FAXC: variants seen among roughly 807,000 people sequenced by gnomAD.
The protein encoded by FAXC is failed axon connections homolog, metaxin like GST domain containing, also known as failed axon connections homolog.
FAXC carries 10 observed loss-of-function variants against 41.9 expected under a neutral mutation model. That is an observed-to-expected ratio of 0.24 (90% CI 0.15 to 0.41). The LOEUF (loss-of-function observed/expected upper bound fraction) is 0.41, where lower values mean the gene tolerates loss of function less well. FAXC is among the 10% of genes least tolerant of loss of function. FAXC has a pLI of 1.00. For synonymous variants in FAXC, 183 were observed against 183.8 expected, an observed-to-expected ratio of 1.00 and a Z score of 0.03; for missense variants, 399 against 510.9, an observed-to-expected ratio of 0.78 and a Z score of 2.11.
intron 4 of FAXC, among the ~76,000 whole-genome samples, chr6:99,320,514 C>T (rs1223427759): frequency 2.0e-5 from 3 of 152,166 alleles, no homozygotes; most frequent in East Asian, 3.8e-4. Context: ...CTCTTTACCA[C>T]CTCCCACCAG....
At chr6:99,299,248 T>C (rs1038997550) in intron 4 of FAXC, among the ~76,000 whole-genome samples, 5 of 152,216 alleles carry the variant, frequency 3.3e-5, no homozygotes, top group Non-Finnish European at 7.3e-5. Context: ...TCTCATCTCC[T>C]TCCTCCCTAA....
intron 3 of FAXC, 25 bp downstream of exon 3, chr6:99,333,326 C>T (rs371493536): frequency 5.8e-5 from 91 of 1,560,016 alleles, no homozygotes; most frequent in African/African-American, 1.2e-4. Context: ...TTCGAAAGGA[C>T]GGGGACACCC....
chr6:99,318,801 G>T (rs980115137), intron 4 of FAXC, among the ~76,000 whole-genome samples: 2 of 152,140 alleles, frequency 1.3e-5, no homozygotes, highest in Non-Finnish European at 2.9e-5. Flanking sequence ...TGAAATCAAA[G>T]AGCTGGTAAG....
At position 99,273,666 on chromosome 6, in the gene FAXC, A is replaced by G. The variant is rs1770494164; in HGVS notation, c.*7498T>C. ...TAATTAAATACCTTGACCTAAAATC[A>G]TGCGTCCATGCCTGTTTTATATCTG... On this transcript the variant is annotated 3_prime_UTR_variant, in exon 6 of 6. Transcript: ENST00000389677. 1 of 151,956 alleles carries G rather than the reference A, an allele frequency of 6.6e-6. No individual in the cohort carries two copies. Among genetic ancestry groups the G allele is most frequent in the Admixed American group, 6.6e-5 (1 of 15,246 alleles). 9.4% of individuals were successfully genotyped at this position (151,956 alleles called of 1,614,324 possible). A position where few individuals can be genotyped will look rare whatever the true frequency, so the allele number is the denominator to read the frequency against.
intron 4 of FAXC, among the ~76,000 whole-genome samples, chr6:99,292,035 A>G (rs1233996452): frequency 6.6e-6 from 1 of 152,212 alleles, no homozygotes; most frequent in Non-Finnish European, 1.5e-5. Flanking sequence ...GAACAGCAAC[A>G]CAGGGAACAT....
chr6:99,322,125 C>A (rs1362818031), intron 4 of FAXC, among the ~76,000 whole-genome samples: 1 of 152,142 alleles, frequency 6.6e-6, no homozygotes, highest in Non-Finnish European at 1.5e-5. Context: ...CCCAGTGGAG[C>A]AAAACAACAG....
chr6:99,319,851 CAT>C (rs1263494102), intron 4 of FAXC, among the ~76,000 whole-genome samples: 1 of 152,182 alleles, frequency 6.6e-6, no homozygotes, highest in Non-Finnish European at 1.5e-5. Context: ...AACTTGTTTA[CAT>C]GTTAGCTTTG....
chr6:99,294,637 G>C (rs1771406851), intron 4 of FAXC, among the ~76,000 whole-genome samples: 1 of 152,162 alleles, frequency 6.6e-6, no homozygotes, highest in African/African-American at 2.4e-5. Context: ...GGGGGAGGGG[G>C]AGAAAGAAAA....
At chr6:99,338,796 C>G (rs1391873137) in intron 2 of FAXC, among the ~76,000 whole-genome samples, 2 of 152,168 alleles carry the variant, frequency 1.3e-5, no homozygotes, top group African/African-American at 4.8e-5. Context: ...GACCTTGTTT[C>G]TTCCATTGCT....
At chr6:99,324,727 A>G (rs1208566522) in intron 3 of FAXC, among the ~76,000 whole-genome samples, 1 of 152,236 alleles carries the variant, frequency 6.6e-6, no homozygotes, top group Non-Finnish European at 1.5e-5. Context: ...GCTGGTAGAT[A>G]GAAATTCAAA....
At chr6:99,293,698 G>GTGTGTGTGTGTGTC (rs1771341666) in intron 4 of FAXC, among the ~76,000 whole-genome samples, 13 of 143,992 alleles carry the variant, frequency 9.0e-5, no homozygotes, top group South Asian at 2.3e-4. Flanking sequence ...GTGTGTGTGT[G>GTGTGTGTGTGTGTC]TGTGTGTGTG....
rs1770561529 is a variant in FAXC at position 99,275,339 on chromosome 6, C to T, written c.*5825G>A. 6.6e-6 allele frequency: 1 copy of T among 152,242 alleles called. No individual in the cohort carries two copies. The highest frequency in any genetic ancestry group is 6.5e-5 in the Admixed American group (1 of 15,290). The allele number at this position is 152,242 out of a possible 1,614,324, so 9.4% of individuals were successfully genotyped here. On this transcript the variant is annotated 3_prime_UTR_variant, in exon 6 of 6. Transcript: ENST00000389677. Reference sequence around the variant, plus strand: ...TATTGTGTACAGAACACCAAAGTACCGTATCCATCTTTTACTCCAGATTAC... The same window carrying T: ...TATTGTGTACAGAACACCAAAGTACTGTATCCATCTTTTACTCCAGATTAC...
chr6:99,343,963 G>C (rs1773509147), intron 1 of FAXC, among the ~76,000 whole-genome samples: 2 of 152,004 alleles, frequency 1.3e-5, no homozygotes, highest in South Asian at 4.2e-4. Context: ...TACTCTTTTG[G>C]GTGAGAAGGA....
At chr6:99,292,093 C>T (rs573520315) in intron 4 of FAXC, among the ~76,000 whole-genome samples, 1 of 152,258 alleles carries the variant, frequency 6.6e-6, no homozygotes, top group South Asian at 2.1e-4. Flanking sequence ...AAAGGGAGAA[C>T]TGATCACCAC....
At chr6:99,322,689 T>C (rs1419701840) in intron 4 of FAXC, among the ~76,000 whole-genome samples, 1 of 152,148 alleles carries the variant, frequency 6.6e-6, no homozygotes, top group Non-Finnish European at 1.5e-5. Flanking sequence ...CTGAATTCAA[T>C]ATCTGTTTAT....
intron 4 of FAXC, among the ~76,000 whole-genome samples, chr6:99,304,497 C>T (rs1430561293): frequency 6.6e-6 from 1 of 152,026 alleles, no homozygotes; most frequent in East Asian, 1.9e-4. Flanking sequence ...GCCAAAAGCT[C>T]AAAGTTAAAT....
chr6:99,345,953 AT>A (rs1245311015), intron 1 of FAXC, among the ~76,000 whole-genome samples: 2 of 152,210 alleles, frequency 1.3e-5, no homozygotes, highest in African/African-American at 2.4e-5. Flanking sequence ...AGTTATATTC[AT>A]TAATTAAACT....
At chr6:99,322,582 A>G (rs1772631940) in intron 4 of FAXC, among the ~76,000 whole-genome samples, 1 of 152,328 alleles carries the variant, frequency 6.6e-6, no homozygotes, top group Non-Finnish European at 1.5e-5. Context: ...GTAGCCCTCA[A>G]AAGGACCTGG....
intron 4 of FAXC, among the ~76,000 whole-genome samples, chr6:99,293,425 C>T (rs892479123): frequency 1.5e-4 from 23 of 152,216 alleles, no homozygotes; most frequent in Admixed American, 7.2e-4. Context: ...CCAGCTCCAG[C>T]CTGCTTTCAA....
Sources: allele counts gnomAD v4.1 joint callset (sites outside exome capture counted in the v4.1 genomes callset), GRCh38; gene constraint gnomAD v4.1.1; transcripts MANE v1.5; gene names NCBI Gene and HGNC (gene_info 2026-07-23, HGNC 2026-07-21).